TNFRSF21: variants seen among roughly 807,000 people sequenced by gnomAD.
TNFRSF21 encodes TNF receptor superfamily member 21.
TNFRSF21 carries 19 observed loss-of-function variants against 45.6 expected under a neutral mutation model. The observed-to-expected ratio is 0.42, with a 90% CI of 0.29 to 0.61. The LOEUF is 0.61. TNFRSF21 is among the 20% of genes least tolerant of loss of function. TNFRSF21 has a pLI of 0.23. For missense variants in TNFRSF21, 737 were observed against 851.5 expected (o/e 0.87, Z 1.67); for synonymous variants, 314 against 335.5 (o/e 0.94, Z 0.70).
intron 3 of TNFRSF21, among the ~76,000 whole-genome samples, chr6:47,256,083 C>T (rs183109022): frequency 6.6e-6 from 1 of 152,312 alleles, no homozygotes; most frequent in East Asian, 1.9e-4. Flanking sequence ...ACGAAGGACG[C>T]TGTGGCTCCT....
intron 3 of TNFRSF21, among the ~76,000 whole-genome samples, chr6:47,263,857 CAATT>C (rs1407577980): frequency 6.6e-6 from 1 of 152,294 alleles, no homozygotes; most frequent in East Asian, 1.9e-4. Flanking sequence ...GTATGTCTCA[CAATT>C]AATTGTGTGT....
rs1764607496 is a variant in TNFRSF21 at position 47,232,802 on chromosome 6, A to G, written c.1931T>C (p.Leu644Pro). Residue 644 changes from leucine (L) to proline (P), a missense_variant, in exon 6 of 6, where the codon CTG becomes CCG. Transcript: ENST00000296861. ...AGGAAGATGGCTATAAACAGAGTCC[A>G]GGAGGGTCTGGCTGGCTTCCTGGCT... The part of the protein sequence containing the change: ...VKSQEASQTL[L>P]DSVYSHLPDL... 6.2e-7 allele frequency: 1 copy of G among 1,614,076 alleles called. No individual in the cohort carries two copies. The highest frequency in any genetic ancestry group is 8.5e-7 in the Non-Finnish European group (1 of 1,180,034).
Position 47,286,348 on chromosome 6 carries a change from C to T in TNFRSF21, c.344G>A (p.Trp115Ter). 6.2e-7 allele frequency: 1 copy of T among 1,614,188 alleles called. No individual in the cohort carries two copies. Among genetic ancestry groups the T allele is most frequent in the Non-Finnish European group, 8.5e-7 (1 of 1,180,032 alleles). Residue 115 changes from tryptophan to a stop codon, truncating the protein, a stop_gained, in exon 2 of 6, where the codon TGG becomes TAG. Coordinates refer to ENST00000296861, the MANE Select transcript of TNFRSF21 (RefSeq NM_014452.5). LOFTEE classifies it high-confidence loss of function. ...KCHDCSQPCP[W>*]PMIEKLPCAA... is the part of the protein sequence containing the mutation. ...ACAAGGTAATTTCTCAATCATTGGC[C>T]ATGGGCATGGCTGACTACAGTCATG...
chr6:47,284,182 C>T lies in TNFRSF21; in HGVS notation c.999G>A (p.Arg333=), dbSNP rs1483960483. 1 of 1,614,040 alleles carries T rather than the reference C, an allele frequency of 6.2e-7. No individual in the cohort carries two copies. Among genetic ancestry groups the T allele is most frequent in the Non-Finnish European group, 8.5e-7 (1 of 1,180,028 alleles). The change falls in exon 3 of 6, where the codon AGG becomes AGA. Residue 333 remains arginine, a synonymous_variant. Transcript: ENST00000296861. ...KSSTPIKGPK[R]GHPRQNLHKH... ...TGTGTAGGTTCTGTCTAGGATGTCC[C>T]CTCTTGGGGCCCTTGATGGGCGTGC...
chr6:47,286,479 TG>T lies in TNFRSF21; in HGVS notation c.212del (p.Pro71GlnfsTer33). ...TGQVLTCDKC[P>X]AGTYVSEHCT... ...AATGCTCAGAGACATAGGTTCCTGC[TG>T]GACACTTGTCACAGGTTAGCACCTG... is the stretch of plus-strand genomic sequence containing the variant. On this transcript the variant is annotated frameshift_variant, in exon 2 of 6. Coordinates refer to ENST00000296861, the MANE Select transcript of TNFRSF21 (RefSeq NM_014452.5). LOFTEE classifies it high-confidence loss of function. 1 of 1,614,254 alleles carries T rather than the reference TG, an allele frequency of 6.2e-7. No homozygotes were observed. The highest frequency in any genetic ancestry group is 8.5e-7 in the Non-Finnish European group (1 of 1,180,044).
In TNFRSF21 at chr6:47,284,132, A is replaced by AAATG; in HGVS notation, c.1045_1048dup (p.Leu350SerfsTer94). 6.2e-7 allele frequency: 1 copy of AAATG among 1,614,234 alleles called. No individual in the cohort carries two copies. The highest frequency in any genetic ancestry group is 8.5e-7 in the Non-Finnish European group (1 of 1,180,050). ...CAGGAAAAGCACAATCATCCAGGGC[A>AAATG]AATGCTCATTGATGTCAAAATGCTT... On this transcript the variant is annotated frameshift_variant, in exon 3 of 6. Transcript: ENST00000296861. LOFTEE classifies it high-confidence loss of function.
intron 4 of TNFRSF21, among the ~76,000 whole-genome samples, chr6:47,248,001 T>C (rs1764847862): frequency 6.6e-6 from 1 of 152,234 alleles, no homozygotes; most frequent in East Asian, 1.9e-4. Flanking sequence ...GATTCTCCAC[T>C]CCGCTTCCTG....
At chr6:47,252,009 A>G (rs1764907785) in intron 4 of TNFRSF21, among the ~76,000 whole-genome samples, 1 of 152,228 alleles carries the variant, frequency 6.6e-6, no homozygotes, top group Non-Finnish European at 1.5e-5. Context: ...AAAGTCAATT[A>G]GCACCTATAA....
Position 47,245,931 on chromosome 6 carries a change from TA to T in TNFRSF21, c.1509+7324del, listed in dbSNP as rs1008975201. On this transcript the variant is annotated intron_variant, in intron 4 of 5. Coordinates refer to ENST00000296861, the MANE Select transcript of TNFRSF21 (RefSeq NM_014452.5). ...TCTTACATGGTCAGAGCAGTGGTGATAGGGGGAGGTGCCACATGCTTTCACA... is the reference window on the plus strand; with the variant it reads ...TCTTACATGGTCAGAGCAGTGGTGATGGGGGAGGTGCCACATGCTTTCACA... Among the ~76,000 whole-genome samples the T allele has an allele frequency of 5.3e-4, 81 of 151,926 alleles. 1 individual carries two copies. Among genetic ancestry groups the T allele is most frequent in the Non-Finnish European group, 1.2e-4 (8 of 67,988 alleles).
chr6:47,232,211 A>G lies in TNFRSF21; in HGVS notation c.*554T>C, dbSNP rs1561935197. Reference sequence around the variant, plus strand: ...CATTACAGTAACTCAATGGGGTCTTAAATTTTCTTAATCTTTAAGAAAATT... The same window carrying G: ...CATTACAGTAACTCAATGGGGTCTTGAATTTTCTTAATCTTTAAGAAAATT... On this transcript the variant is annotated 3_prime_UTR_variant, in exon 6 of 6. Coordinates refer to ENST00000296861, the MANE Select transcript of TNFRSF21 (RefSeq NM_014452.5). 1.3e-5 allele frequency: 2 copies of G among 152,868 alleles called. No homozygotes were observed. Among genetic ancestry groups the G allele is most frequent in the Non-Finnish European group, 1.5e-5 (1 of 68,284 alleles). 9.5% of individuals were successfully genotyped at this position (152,868 alleles called of 1,614,324 possible).
chr6:47,309,588 G>C lies in TNFRSF21; in HGVS notation c.-77C>G. ...TCGGCGGCTGCTTCTGCCCAGCGCC[G>C]CATCCACCGCCGCCTCCCGGGCCGG... is the stretch of plus-strand genomic sequence containing the variant. On this transcript the variant is annotated 5_prime_UTR_variant, in exon 1 of 6. Transcript: ENST00000296861. 2 of 1,369,216 alleles carry C rather than the reference G, an allele frequency of 1.5e-6. No homozygotes were observed. Among genetic ancestry groups the C allele is most frequent in the Non-Finnish European group, 1.9e-6 (2 of 1,070,052 alleles). The allele number at this position is 1,369,216 out of a possible 1,614,324, so 84.8% of individuals were successfully genotyped here.
At chr6:47,309,159 C>A (rs1468656327) in intron 1 of TNFRSF21, among the ~76,000 whole-genome samples, 1 of 152,194 alleles carries the variant, frequency 6.6e-6, no homozygotes, top group Non-Finnish European at 1.5e-5. Flanking sequence ...TCTAGCGTCT[C>A]CTCCAGCAAA....
At chr6:47,258,520 C>A (rs554832566) in intron 3 of TNFRSF21, among the ~76,000 whole-genome samples, 1 of 151,756 alleles carries the variant, frequency 6.6e-6, no homozygotes, top group East Asian at 1.9e-4. Flanking sequence ...CAGCTCACTG[C>A]AGCCTCTGCC....
Position 47,286,409 on chromosome 6 carries a change from T to G in TNFRSF21, c.283A>C (p.Thr95Pro). The G allele has an allele frequency of 1.9e-6, 3 of 1,614,146 alleles. No homozygotes were observed. The highest frequency in any genetic ancestry group is 2.5e-6 in the Non-Finnish European group (3 of 1,180,026). The change falls in exon 2 of 6, where the codon ACC becomes CCC. Residue 95 changes from threonine to proline, a missense_variant. Thr to Pro is a conservative substitution (Grantham distance 38). Transcript: ENST00000296861. ...ATGCCATTCTCATGCCTGGTAAAGG[T>G]CCCCACAGGGCAACTGCTGCAGACG... is the stretch of plus-strand genomic sequence containing the variant. ...LRVCSSCPVGTFTRHENGIEK... is the reference protein window; with the variant it reads ...LRVCSSCPVGPFTRHENGIEK...
intron 1 of TNFRSF21, among the ~76,000 whole-genome samples, chr6:47,293,538 C>T (rs556701377): frequency 3.3e-5 from 5 of 152,240 alleles, no homozygotes; most frequent in Admixed American, 3.3e-4. Flanking sequence ...TACTATCCAG[C>T]CTTTTACAGA....
At chr6:47,303,692 C>T (rs1387339937) in intron 1 of TNFRSF21, among the ~76,000 whole-genome samples, 1 of 152,210 alleles carries the variant, frequency 6.6e-6, no homozygotes. Flanking sequence ...TGGGTTATAA[C>T]CTCTACCCAA....
chr6:47,255,470 T>G (rs570851846), intron 3 of TNFRSF21, among the ~76,000 whole-genome samples: 57 of 152,112 alleles, frequency 3.7e-4, no homozygotes, highest in African/African-American at 1.4e-3. Flanking sequence ...TTTTTTTTTT[T>G]GTTTTTTTGA....
intron 4 of TNFRSF21, among the ~76,000 whole-genome samples, chr6:47,247,761 TAG>T (rs1355854345): frequency 1.3e-5 from 2 of 151,310 alleles, no homozygotes; most frequent in Admixed American, 6.6e-5. Context: ...TCTACTATAG[TAG>T]AGAGAGAGAG....
chr6:47,268,327 G>T (rs894273251), intron 3 of TNFRSF21, among the ~76,000 whole-genome samples: 1 of 152,280 alleles, frequency 6.6e-6, no homozygotes, highest in East Asian at 1.9e-4. Context: ...CAGTAAACAG[G>T]AAGTATTACT....
Sources: gnomAD v4.1 joint callset for allele counts (sites outside exome capture counted in the v4.1 genomes callset) on GRCh38, gnomAD v4.1.1 for gene constraint, MANE v1.5 for transcripts, NCBI Gene and HGNC (gene_info 2026-07-23, HGNC 2026-07-21) for gene names.